BRCA2: variants seen among roughly 807,000 people sequenced by gnomAD.
BRCA2 encodes the protein breast cancer type 2 susceptibility protein.
In BRCA2, 203 loss-of-function variants were observed where a neutral mutation model predicts 276.7. The ratio of observed to expected loss-of-function variants is 0.73; its 90% confidence interval spans 0.65 to 0.82. The LOEUF (loss-of-function observed/expected upper bound fraction) is 0.82, where lower values mean the gene tolerates loss of function less well. Ranked by LOEUF, BRCA2 falls within the 40% of genes least tolerant of loss-of-function variation. The pLI is 0.00. For missense variants in BRCA2, 3,920 were observed against 3,915.0 expected (o/e 1.00, Z -0.03); for synonymous variants, 1,289 against 1,338.4 (o/e 0.96, Z 0.81).
intron 26 of BRCA2, 99 bp from the exon 27 acceptor site, chr13:32,398,063 T>C (rs1220356738): frequency 1.4e-5 from 19 of 1,322,302 alleles, no homozygotes; most frequent in Admixed American, 5.9e-5. Context: ...CTGTGTGTAA[T>C]ATTTGCGTGC....
intron 10 of BRCA2, 35 bp downstream of exon 10, chr13:32,333,422 T>C (rs560325609): frequency 1.3e-6 from 2 of 1,580,494 alleles, no homozygotes; most frequent in Admixed American, 1.8e-5. Flanking sequence ...AAATAGTACA[T>C]ATAGTTTTAT....
rs766535911 is a variant in BRCA2 at position 32,357,594 on chromosome 13, ATAACT to A, written c.7618-144_7618-140del. 8.4e-5 allele frequency: 64 copies of A among 757,796 alleles called. 1 individual carries two copies. Among genetic ancestry groups the A allele is most frequent in the African/African-American group, 2.5e-4 (14 of 56,654 alleles). 46.9% of individuals were successfully genotyped at this position (757,796 alleles called of 1,614,324 possible). A position where few individuals can be genotyped will look rare whatever the true frequency, so the allele number is the denominator to read the frequency against. ...CATTAAAATTTTTAGTTTCTAGTAAATAACTTAAATGTTTTTGTAGTGAAGATTCT... is the reference window on the plus strand; with the variant it reads ...CATTAAAATTTTTAGTTTCTAGTAAATAAATGTTTTTGTAGTGAAGATTCT... On this transcript the variant is annotated intron_variant, in intron 15 of 26. Transcript: ENST00000380152.
chr13:32,400,218 A>C lies in BRCA2; in HGVS notation c.*1448A>C, dbSNP rs916238900. 4 of 152,216 alleles carry C rather than the reference A, an allele frequency of 2.6e-5. No homozygotes were observed. The highest frequency in any genetic ancestry group is 9.6e-5 in the African/African-American group (4 of 41,460). The allele number at this position is 152,216 out of a possible 1,614,324, so 9.4% of individuals were successfully genotyped here. A position where few individuals can be genotyped will look rare whatever the true frequency, so the allele number is the denominator to read the frequency against. On this transcript the variant is annotated 3_prime_UTR_variant, in exon 27 of 27. Transcript: ENST00000380152. Reference sequence around the variant, plus strand: ...TGTCTGTATAATATCATGTTTTCAAATCTAATTATAAATACGTTTAAAGCC... The same window carrying C: ...TGTCTGTATAATATCATGTTTTCAACTCTAATTATAAATACGTTTAAAGCC...
chr13:32,338,538 G>T lies in BRCA2; in HGVS notation c.4183G>T (p.Ala1395Ser), dbSNP rs431825318. The change falls in exon 11 of 27, where the codon GCT becomes TCT. Residue 1395 changes from alanine (A) to serine (S), a missense_variant. By Grantham distance (99) the Ala-to-Ser change is moderately conservative. Transcript: ENST00000380152. The part of the protein sequence containing the change: ...SDLTFLEVAK[A>S]QEACHGNTSN... ...TTTAACTTTTTTGGAAGTTGCGAAA[G>T]CTCAAGAAGCATGTCATGGTAATAC... The T allele has an allele frequency of 1.2e-6, 2 of 1,603,248 alleles. No homozygotes were observed. Among genetic ancestry groups the T allele is most frequent in the Non-Finnish European group, 1.7e-6 (2 of 1,176,318 alleles).
intron 18 of BRCA2, among the ~76,000 whole-genome samples, chr13:32,369,825 C>T (rs2072815062): frequency 6.6e-6 from 1 of 152,206 alleles, no homozygotes; most frequent in African/African-American, 2.4e-5. Context: ...ACGCCTGCCT[C>T]GGCCTCCCAA....
At chr13:32,341,565 G>C (rs2072570096) in intron 11 of BRCA2, among the ~76,000 whole-genome samples, 1 of 152,136 alleles carries the variant, frequency 6.6e-6, no homozygotes, top group African/African-American at 2.4e-5. Flanking sequence ...TAACTTAACT[G>C]TTTTCATATA....
rs1367391447 is a variant in BRCA2 at position 32,394,848 on chromosome 13, T to G, written c.9416T>G (p.Phe3139Cys). The G allele has an allele frequency of 1.9e-6, 3 of 1,614,128 alleles. No individual in the cohort carries two copies. The South Asian group carries it at 3.3e-5, about 18-fold the overall frequency. The change falls in exon 25 of 27, where the codon TTT becomes TGT. Residue 3139 changes from phenylalanine to cysteine, a missense_variant. This residue lies in a region of BRCA2 where 657 missense variants were observed against 758.2 expected (regional missense o/e 0.87). Coordinates refer to ENST00000380152, the MANE Select transcript of BRCA2 (RefSeq NM_000059.4). ...PESKSGLLTL[F>C]AGDFSVFSAS... ...TCCAAATCAGGCCTTCTTACTTTATTTGCTGGAGATTTTTCTGTGTTTTCT... is the reference window on the plus strand; with the variant it reads ...TCCAAATCAGGCCTTCTTACTTTATGTGCTGGAGATTTTTCTGTGTTTTCT...
At chr13:32,386,947 C>T (rs2072964943) in intron 24 of BRCA2, among the ~76,000 whole-genome samples, 1 of 152,170 alleles carries the variant, frequency 6.6e-6, no homozygotes, top group Non-Finnish European at 1.5e-5. Context: ...GGGTTAATTC[C>T]TTCTGAGGCT....
chr13:32,320,453 C>T (rs756593735), intron 3 of BRCA2, among the ~76,000 whole-genome samples: 11 of 152,178 alleles, frequency 7.2e-5, no homozygotes, highest in Non-Finnish European at 1.0e-4. Context: ...GTTACCAAAA[C>T]CACAATGCTC....
intron 24 of BRCA2, among the ~76,000 whole-genome samples, chr13:32,389,846 C>T (rs1011035033): frequency 1.3e-5 from 2 of 152,112 alleles, no homozygotes; most frequent in Non-Finnish European, 2.9e-5. Flanking sequence ...TGGTCCCTGG[C>T]AGTTTTTTCT....
chr13:32,333,554 G>T (rs1364872107), intron 10 of BRCA2, among the ~76,000 whole-genome samples, 167 bp downstream of exon 10: 1 of 152,066 alleles, frequency 6.6e-6, no homozygotes, highest in Non-Finnish European at 1.5e-5. Flanking sequence ...TTAGAATCAG[G>T]TCACTCAAAC....
At chr13:32,387,758 T>C (rs1371227793) in intron 24 of BRCA2, among the ~76,000 whole-genome samples, 1 of 152,188 alleles carries the variant, frequency 6.6e-6, no homozygotes, top group Non-Finnish European at 1.5e-5. Context: ...TTGAAGTCTT[T>C]GATCTTTCTT....
intron 24 of BRCA2, among the ~76,000 whole-genome samples, chr13:32,394,147 G>A (rs148786377): frequency 1.1e-3 from 174 of 152,184 alleles, no homozygotes; most frequent in African/African-American, 3.9e-3. Context: ...CAGCTACGTG[G>A]TACACCATTG....
Position 32,340,798 on chromosome 13 carries a change from C to T in BRCA2, c.6443C>T (p.Ser2148Phe), listed in dbSNP as rs80358880. 1 of 1,592,700 alleles carries T rather than the reference C, an allele frequency of 6.3e-7. No homozygotes were observed. Among genetic ancestry groups the T allele is most frequent in the Non-Finnish European group, 8.5e-7 (1 of 1,173,336 alleles). The change falls in exon 11 of 27, where the codon TCT becomes TTT. Residue 2148 changes from serine (S) to phenylalanine (F), a missense_variant. Coordinates refer to ENST00000380152, the MANE Select transcript of BRCA2 (RefSeq NM_000059.4). ...GGTGGTTCTTCAGAAAATAATCACT[C>T]TATTAAAGTTTCTCCATATCTCTCT... ...VEGGSSENNH[S>F]IKVSPYLSQF...
rs756171672 is a variant in BRCA2, at chr13:32,337,349, T to G, written c.2994T>G (p.Gly998=). The G allele has an allele frequency of 9.9e-6, 16 of 1,613,806 alleles. No individual in the cohort carries two copies. Among genetic ancestry groups the G allele is most frequent in the Non-Finnish European group, 1.4e-5 (16 of 1,179,908 alleles). The stretch of plus-strand genomic sequence containing the variant: ...TGAACAAATGGGCAGGACTCTTAGG[T>G]CCAATTTCAAATCACAGTTTTGGAG... ...DYMNKWAGLL[G]PISNHSFGGS... is the part of the protein sequence containing the mutation. The change falls in exon 11 of 27, where the codon GGT becomes GGG. Residue 998 remains glycine, a synonymous_variant. Coordinates refer to ENST00000380152, the MANE Select transcript of BRCA2 (RefSeq NM_000059.4).
chr13:32,364,735 T>C (rs1462343859), intron 18 of BRCA2, among the ~76,000 whole-genome samples: 2 of 152,226 alleles, frequency 1.3e-5, no homozygotes, highest in Non-Finnish European at 2.9e-5. Context: ...TCCTGCCCAA[T>C]ATGTTAAAAT....
chr13:32,389,132 A>G (rs936498216), intron 24 of BRCA2, among the ~76,000 whole-genome samples: 2 of 152,204 alleles, frequency 1.3e-5, no homozygotes, highest in Non-Finnish European at 2.9e-5. Flanking sequence ...GCAGTCTACT[A>G]GTATCAATAT....
At chr13:32,375,136 GC>G (rs2072862374) in intron 20 of BRCA2, among the ~76,000 whole-genome samples, 1 of 152,188 alleles carries the variant, frequency 6.6e-6, no homozygotes, top group South Asian at 2.1e-4. Flanking sequence ...GGGAGAAACT[GC>G]CCCCGTGATC....
At chr13:32,327,008 T>C (rs2072355051) in intron 7 of BRCA2, among the ~76,000 whole-genome samples, 1 of 152,264 alleles carries the variant, frequency 6.6e-6, no homozygotes. Context: ...TTCTAAGGTC[T>C]GTATTGCCAG....
Sources: allele counts gnomAD v4.1 joint callset (sites outside exome capture counted in the v4.1 genomes callset), GRCh38; gene constraint gnomAD v4.1.1; regional missense constraint gnomAD v4.1.1; transcripts MANE v1.5; gene names NCBI Gene and HGNC (gene_info 2026-07-23, HGNC 2026-07-21).